The following USP6 variants were observed in gnomAD, a reference collection of about 807,000 sequenced individuals.
USP6 encodes the protein ubiquitin specific peptidase 6.
Under a neutral mutation model 175.7 loss-of-function variants are expected in USP6, and 128 were observed. The observed-to-expected ratio is 0.73, with a 90% CI of 0.63 to 0.84. USP6 has a LOEUF of 0.84. Ranked by LOEUF, USP6 falls within the 40% of genes least tolerant of loss-of-function variation. USP6 has a pLI of 0.00. For missense variants in USP6, 1,498 were observed against 1,760.3 expected (o/e 0.85, Z 2.67); for synonymous variants, 562 against 630.6 (o/e 0.89, Z 1.63).
At position 5,147,073 on chromosome 17, in the gene USP6, G is replaced by A. The variant is rs530314562; in HGVS notation, c.2320-10G>A. ...ATCTCCCCCTTCTCATCTTGCTGCT[G>A]TTTCTGTAGAACTTTCCTCAGGATA... On this transcript the variant is annotated splice_polypyrimidine_tract_variant and intron_variant, in intron 28 of 37. Coordinates refer to ENST00000574788, the MANE Select transcript of USP6 (RefSeq NM_001304284.2). The A allele has an allele frequency of 6.2e-7, 1 of 1,607,748 alleles. No homozygotes were observed. Among genetic ancestry groups the A allele is most frequent in the South Asian group, 1.1e-5 (1 of 90,182 alleles).
In USP6 at chr17:5,155,434, C is replaced by G; in HGVS notation, c.2656C>G (p.Leu886Val). Residue 886 changes from leucine (L) to valine (V), a missense_variant, in exon 31 of 38, where the codon CTG (leucine) becomes GTG (valine). Physicochemically the swap from Leu to Val is conservative, Grantham distance 32 (BLOSUM62 1). Around this residue, in one of 2 missense-constraint regions of USP6, gnomAD observed 1,217 missense variants for 1,500.8 expected, o/e 0.81. Transcript: ENST00000574788. The part of the protein sequence containing the change: ...AVHRKMMRTE[L>V]YFLSPQENRP... ...TTTGTACATACAGATGAGGACAGAA[C>G]TGTATTTCCTGTCACCTCAGGAGAA... 1 of 1,614,030 alleles carries G rather than the reference C, an allele frequency of 6.2e-7. No individual in the cohort carries two copies. Among genetic ancestry groups the G allele is most frequent in the East Asian group, 2.2e-5 (1 of 44,882 alleles).
In USP6 at chr17:5,132,655, G is replaced by A. The variant is rs988660918; in HGVS notation, c.195+220G>A. Among the ~76,000 whole-genome samples, 1 of 152,172 alleles carries A rather than the reference G, an allele frequency of 6.6e-6. No homozygotes were observed. The highest frequency in any genetic ancestry group is 2.4e-5 in the African/African-American group (1 of 41,440). ...GTCCTGGCTTGGGGGGTGGCTGCGC[G>A]CTTGTGTCAGGACCCCACCTAGAGG... On this transcript the variant is annotated intron_variant, in intron 12 of 37. Coordinates refer to ENST00000574788, the MANE Select transcript of USP6 (RefSeq NM_001304284.2). The surrounding 1 kb of genome is among the most constrained non-coding windows in gnomAD (Gnocchi z 4.7).
At position 5,135,968 on chromosome 17, in the gene USP6, C is replaced by T. The variant is rs777559917; in HGVS notation, c.664+40C>T. 3.1e-6 allele frequency: 5 copies of T among 1,597,188 alleles called. No individual in the cohort carries two copies. In the Admixed American group the frequency reaches 8.3e-5, roughly 27 times the overall value. On this transcript the variant is annotated intron_variant, in intron 17 of 37. Transcript: ENST00000574788. ...GCCCGTGGGGCCTCACGCAGCCAGACCCGGGAAAGCCACTGTGGCCAGGTG... is the reference window on the plus strand; with the variant it reads ...GCCCGTGGGGCCTCACGCAGCCAGATCCGGGAAAGCCACTGTGGCCAGGTG...
Position 5,132,972 on chromosome 17 carries a change from A to G in USP6, c.258A>G (p.Thr86=), listed in dbSNP as rs1354246778. 5 of 1,614,052 alleles carry G rather than the reference A, an allele frequency of 3.1e-6. No individual in the cohort carries two copies. The highest frequency in any genetic ancestry group is 1.3e-5 in the African/African-American group (1 of 74,948). The change falls in exon 13 of 38, where the codon ACA becomes ACG. Residue 86 remains threonine (T), a synonymous_variant. Transcript: ENST00000574788. The surrounding 1 kb of genome is among the most constrained non-coding windows in gnomAD (Gnocchi z 4.7). ...TGGAAATGCTGGGAGAATGGGAGAC[A>G]TATAAGCACAGTAGCAAAGTAATGT... ...KWMEMLGEWE[T]YKHSSKLIDR... is the part of the protein sequence containing the mutation.
Position 5,170,519 on chromosome 17 carries a change from C to A in USP6, c.3558C>A (p.Pro1186=), listed in dbSNP as rs757858892. 1 of 1,611,322 alleles carries A rather than the reference C, an allele frequency of 6.2e-7. No homozygotes were observed. The change falls in exon 36 of 38, where the codon CCC becomes CCA. Residue 1186 remains proline (P), a synonymous_variant. Transcript: ENST00000574788. ...CAAGAAAAAGTGGAACCAGCTGTCC[C>A]TCCAGCAAAAACAGCAGCCCTAATA... is the stretch of plus-strand genomic sequence containing the variant. ...SSSRKSGTSC[P]SSKNSSPNSS...
intron 33 of USP6, among the ~76,000 whole-genome samples, chr17:5,163,645 T>A (rs2074047767): frequency 6.6e-6 from 1 of 152,218 alleles, no homozygotes. Flanking sequence ...ATTTCAAAAA[T>A]ATTAATAAGT....
At position 5,138,128 on chromosome 17, in the gene USP6, C is replaced by A; in HGVS notation, c.933C>A (p.Leu311=). The A allele has an allele frequency of 1.2e-6, 2 of 1,614,090 alleles. No individual in the cohort carries two copies. The highest frequency in any genetic ancestry group is 1.7e-6 in the Non-Finnish European group (2 of 1,179,978). Residue 311 remains leucine, a synonymous_variant, in exon 21 of 38, where the codon CTC becomes CTA. Coordinates refer to ENST00000574788, the MANE Select transcript of USP6 (RefSeq NM_001304284.2). The part of the protein sequence containing the change: ...SIALKVQQKR[L]MKTSRCGLWA... ...TATCCACCCTGTCCCTAGAGCGCCT[C>A]ATGAAGACATCCAGGTGTGGCCTGT...
chr17:5,139,823 C>G, intron 22 of USP6, 149 bp downstream of exon 22: 1 of 1,594,716 alleles, frequency 6.3e-7, no homozygotes, highest in Non-Finnish European at 8.5e-7. Context: ...TTGCCTCTGC[C>G]ACCTCTACTT....
intron 31 of USP6, among the ~76,000 whole-genome samples, chr17:5,157,906 G>A (rs1164117557): frequency 1.3e-5 from 2 of 149,706 alleles, no homozygotes; most frequent in African/African-American, 2.6e-5. Context: ...AATTACAGGC[G>A]TGAGCCACTG....
rs371853418 is a variant in USP6 at position 5,155,626 on chromosome 17, C to G, written c.2828+20C>G. 5 of 1,601,896 alleles carry G rather than the reference C, an allele frequency of 3.1e-6. No individual in the cohort carries two copies. The highest frequency in any genetic ancestry group is 8.5e-7 in the Non-Finnish European group (1 of 1,174,376). ...GGATCGGTGAGTTCAGGGGATCCAT[C>G]TAAACCTGTGGTTTCCAAACTCTAG... On this transcript the variant is annotated intron_variant, in intron 31 of 37. Transcript: ENST00000574788.
chr17:5,161,467 A>G (rs1474788182), intron 31 of USP6, 61 bp from the exon 32 acceptor site: 5 of 1,553,552 alleles, frequency 3.2e-6, no homozygotes, highest in Admixed American at 1.7e-5. Context: ...AGAAGATGAA[A>G]AGGAGTTGGA....
chr17:5,136,134 G>A (rs1414269602), intron 17 of USP6, among the ~76,000 whole-genome samples: 1 of 152,206 alleles, frequency 6.6e-6, no homozygotes, highest in African/African-American at 2.4e-5. Context: ...CATCAGCAGA[G>A]GGCATCTCAT....
chr17:5,141,043 TA>T (rs1216093586), intron 22 of USP6, among the ~76,000 whole-genome samples: 2 of 152,214 alleles, frequency 1.3e-5, no homozygotes, highest in Non-Finnish European at 2.9e-5. Flanking sequence ...CATAAGATTA[TA>T]ATACTGTATT....
chr17:5,158,058 T>C (rs1012850060), intron 31 of USP6, among the ~76,000 whole-genome samples: 10 of 152,316 alleles, frequency 6.6e-5, no homozygotes, highest in African/African-American at 1.9e-4. Flanking sequence ...GTCTATTATA[T>C]ATTCAAGTGT....
Position 5,142,471 on chromosome 17 carries a change from C to T in USP6, c.1787C>T (p.Thr596Ile). ...GDLVQELWSGTQKSVAPLKLR... is the reference protein window; with the variant it reads ...GDLVQELWSGIQKSVAPLKLR... ...TTAGTGCAGGAACTCTGGAGTGGAA[C>T]TCAGAAGAGTGTTGCCCCATTAAAG... The change falls in exon 25 of 38, where the codon ACT becomes ATT. Residue 596 changes from threonine to isoleucine, a missense_variant. Thr to Ile is a moderately conservative substitution (Grantham distance 89). This residue lies in a region of USP6 where 1,217 missense variants were observed against 1,500.8 expected (regional missense o/e 0.81). Transcript: ENST00000574788. 6.2e-7 allele frequency: 1 copy of T among 1,612,732 alleles called. No individual in the cohort carries two copies. The highest frequency in any genetic ancestry group is 1.1e-5 in the South Asian group (1 of 91,042).
chr17:5,147,220 C>G, intron 29 of USP6, 26 bp downstream of exon 29: 2 of 1,573,544 alleles, frequency 1.3e-6, no homozygotes, highest in Non-Finnish European at 1.7e-6. Context: ...AACTCCTTCT[C>G]ATGACTGCAC....
At chr17:5,149,508 T>C (rs549594510) in intron 30 of USP6, among the ~76,000 whole-genome samples, 1 of 152,254 alleles carries the variant, frequency 6.6e-6, no homozygotes, top group Non-Finnish European at 1.5e-5. Context: ...GCTATGATGC[T>C]CACACCTGTA....
chr17:5,155,293 C>T (rs2073856978), intron 30 of USP6, 129 bp from the exon 31 acceptor site: 7 of 1,134,932 alleles, frequency 6.2e-6, no homozygotes, highest in Non-Finnish European at 8.8e-6. Flanking sequence ...GTTTTATAAA[C>T]ATAGAGAAGA....
intron 30 of USP6, among the ~76,000 whole-genome samples, chr17:5,152,481 G>A (rs1486882784): frequency 2.0e-5 from 3 of 152,168 alleles, no homozygotes; most frequent in Non-Finnish European, 4.4e-5. Context: ...CCACCCAAAA[G>A]ATATGTGTAC....
Sources: gnomAD v4.1 joint callset for allele counts (sites outside exome capture counted in the v4.1 genomes callset) on GRCh38, gnomAD v4.1.1 for gene constraint, gnomAD v4.1.1 regional missense constraint, Gnocchi (gnomAD v3.1) non-coding constraint, MANE v1.5 for transcripts, NCBI Gene and HGNC (gene_info 2026-07-23, HGNC 2026-07-21) for gene names.